The following MAEL variants were observed in gnomAD, a reference collection of about 807,000 sequenced individuals.
MAEL encodes the protein protein maelstrom homolog.
In MAEL, 46 loss-of-function variants were observed where a neutral mutation model predicts 62.0. The observed-to-expected ratio is 0.74, with a 90% CI of 0.59 to 0.95. The LOEUF (loss-of-function observed/expected upper bound fraction) is 0.95, where lower values mean the gene tolerates loss of function less well. MAEL is among the 40% of genes least tolerant of loss of function. MAEL has a pLI of 0.00. For synonymous variants in MAEL, 172 were observed against 175.5 expected (o/e 0.98, Z 0.16); for missense variants, 497 against 526.8 (o/e 0.94, Z 0.55).
chr1:166,983,086 A>C (rs537893024), intron 1 of MAEL, among the ~76,000 whole-genome samples: 13 of 152,308 alleles, frequency 8.5e-5, no homozygotes, highest in African/African-American at 3.1e-4. Context: ...AGATATTCTG[A>C]CATCTTGTTA....
intron 8 of MAEL, 118 bp downstream of exon 8, chr1:167,005,515 G>C: frequency 4.8e-6 from 4 of 827,774 alleles, no homozygotes; most frequent in Non-Finnish European, 7.4e-6. Flanking sequence ...TGGAATCATT[G>C]TATTTCCCTG....
At chr1:167,004,397 G>A (rs982794926) in intron 6 of MAEL, 93 bp downstream of exon 6, 3 of 1,177,386 alleles carry the variant, frequency 2.5e-6, no homozygotes, top group South Asian at 1.8e-5. Flanking sequence ...ATTTTTGTCT[G>A]TATATTGTGT....
intron 10 of MAEL, 88 bp from the exon 11 acceptor site, chr1:167,020,997 A>G: frequency 2.0e-6 from 2 of 988,816 alleles, no homozygotes; most frequent in Non-Finnish European, 3.2e-6. Context: ...TTGCATTTTT[A>G]AAGAGTAATA....
intron 5 of MAEL, among the ~76,000 whole-genome samples, chr1:167,003,210 A>G (rs371201020): frequency 3.9e-5 from 6 of 152,172 alleles, no homozygotes; most frequent in South Asian, 4.2e-4. Flanking sequence ...TCAGCCTCCC[A>G]AGTAGCTGGG....
At chr1:166,992,256 A>G (rs1313136719) in intron 3 of MAEL, among the ~76,000 whole-genome samples, 1 of 152,138 alleles carries the variant, frequency 6.6e-6, no homozygotes, top group Non-Finnish European at 1.5e-5. Flanking sequence ...TTTTATATAT[A>G]TTGGTAAAAA....
intron 1 of MAEL, among the ~76,000 whole-genome samples, chr1:166,975,856 G>T (rs1403654440): frequency 6.6e-6 from 1 of 152,134 alleles, no homozygotes; most frequent in East Asian, 1.9e-4. Context: ...GGGAGCCTGT[G>T]TCTGCGGGCA....
upstream of MAEL, among the ~76,000 whole-genome samples, chr1:166,985,426 G>C (rs1298326391): frequency 6.6e-6 from 1 of 152,118 alleles, no homozygotes; most frequent in Non-Finnish European, 1.5e-5. Context: ...GCCAAAGAAA[G>C]AACAACCTGA....
chr1:166,990,165 T>G (rs936702423), intron 2 of MAEL: 2 of 114,154 alleles, frequency 1.8e-5, no homozygotes, highest in African/African-American at 7.0e-5. Flanking sequence ...TCAACTCTTC[T>G]GTGATTAATG....
At chr1:166,986,973 T>TGTG (rs1663938852), upstream of MAEL, among the ~76,000 whole-genome samples, 1 of 151,880 alleles carries the variant, frequency 6.6e-6, no homozygotes. Context: ...TGTGTGTGTG[T>TGTG]GTGTGTGTTT....
intron 1 of MAEL, among the ~76,000 whole-genome samples, chr1:166,980,115 C>T (rs1663713955): frequency 6.6e-6 from 1 of 152,080 alleles, no homozygotes; most frequent in Non-Finnish European, 1.5e-5. Flanking sequence ...CTCCTAGGCT[C>T]AATGCTATCC....
intron 1 of MAEL, among the ~76,000 whole-genome samples, chr1:166,980,951 T>C (rs1390363241): frequency 6.6e-6 from 1 of 152,110 alleles, no homozygotes; most frequent in Non-Finnish European, 1.5e-5. Flanking sequence ...AAGGCCTTCT[T>C]CCTGGCATAG....
intron 8 of MAEL, among the ~76,000 whole-genome samples, chr1:167,013,544 G>C (rs1173046887): frequency 6.6e-6 from 1 of 152,120 alleles, no homozygotes; most frequent in African/African-American, 2.4e-5. Flanking sequence ...TCTGCAAAGT[G>C]CTCTGTCTTT....
chr1:166,978,014 G>A (rs996859500), intron 1 of MAEL, among the ~76,000 whole-genome samples: 2 of 152,194 alleles, frequency 1.3e-5, no homozygotes, highest in African/African-American at 4.8e-5. Context: ...TGAAAAATGG[G>A]AGATGGACTG....
chr1:167,021,994 A>AT lies in MAEL; in HGVS notation c.*142dup. The AT allele has an allele frequency of 1.6e-6, 1 of 612,054 alleles. No individual in the cohort carries two copies. Among genetic ancestry groups the AT allele is most frequent in the Admixed American group, 3.7e-5 (1 of 27,014 alleles). 37.9% of individuals were successfully genotyped at this position (612,054 alleles called of 1,614,324 possible). On this transcript the variant is annotated 3_prime_UTR_variant, in exon 12 of 12. Coordinates refer to ENST00000367872, the MANE Select transcript of MAEL (RefSeq NM_032858.3). ...AATTTGTAAGGAAATTGTTTCATAG[A>AT]TTTAAAAAAATTGTGGTTGGAGAGC... is the stretch of plus-strand genomic sequence containing the variant.
At chr1:167,021,606 ATCT>A (rs1665631883) in intron 11 of MAEL, 59 bp from the exon 12 acceptor site, 2 of 1,157,272 alleles carry the variant, frequency 1.7e-6, no homozygotes, top group Non-Finnish European at 2.4e-6. Flanking sequence ...TAATTGAGGC[ATCT>A]CTTTGTAATA....
intron 5 of MAEL, among the ~76,000 whole-genome samples, chr1:167,003,155 C>T (rs950418889): frequency 6.6e-6 from 1 of 152,130 alleles, no homozygotes; most frequent in Non-Finnish European, 1.5e-5. Flanking sequence ...GTGGTATGAT[C>T]ATAATTCACT....
chr1:167,004,001 CAT>C (rs1664784054), intron 5 of MAEL, among the ~76,000 whole-genome samples, 177 bp from the exon 6 acceptor site: 1 of 152,110 alleles, frequency 6.6e-6, no homozygotes, highest in Non-Finnish European at 1.5e-5. Context: ...CAAATCAAAT[CAT>C]AGAATGGCTG....
intron 5 of MAEL, among the ~76,000 whole-genome samples, chr1:167,000,627 C>T (rs1664622206): frequency 1.3e-5 from 2 of 152,306 alleles, no homozygotes; most frequent in South Asian, 4.1e-4. Flanking sequence ...AAAATGTTAT[C>T]AAACAGTATC....
At chr1:166,998,106 G>A (rs1356513579) in intron 5 of MAEL, among the ~76,000 whole-genome samples, 1 of 152,074 alleles carries the variant, frequency 6.6e-6, no homozygotes, top group Middle Eastern at 3.2e-3. Flanking sequence ...ATATAGATAA[G>A]CCCCCGACCT....
Sources: allele counts gnomAD v4.1 joint callset (sites outside exome capture counted in the v4.1 genomes callset), GRCh38; gene constraint gnomAD v4.1.1; transcripts MANE v1.5; gene names NCBI Gene and HGNC (gene_info 2026-07-23, HGNC 2026-07-21).